The following SAMD5 variants were observed in gnomAD, a reference collection of about 807,000 sequenced individuals.
The protein encoded by SAMD5 is sterile alpha motif domain-containing protein 5.
Under a neutral mutation model 11.3 loss-of-function variants are expected in SAMD5, and 13 were observed. The observed-to-expected ratio is 1.15, with a 90% CI of 0.75 to 1.83. SAMD5 has a LOEUF of 1.83. Among genes scored for constraint, SAMD5 ranks in the 40% most tolerant of loss-of-function variants. The probability of loss-of-function intolerance (pLI) is 0.00; values close to 1 mark genes in which losing one functional copy is unlikely to be tolerated. For missense variants in SAMD5, 255 were observed against 239.1 expected (o/e 1.07, Z -0.44); for synonymous variants, 129 against 111.3 (o/e 1.16, Z -1.00).
At chr6:147,779,087 A>G in the SAMD5 span, among the ~76,000 whole-genome samples, 2 of 151,826 alleles carry the variant, frequency 1.3e-5, no homozygotes, top group Admixed American at 6.6e-5. Context: ...CTTTCCTGCT[A>G]AGAGACAGGA....
intron 1 of SAMD5, among the ~76,000 whole-genome samples, chr6:147,646,971 CTAATAATAATAA>C (rs5880722): frequency 0.42 from 57,570 of 137,868 alleles, 13,050 homozygotes; most frequent in Middle Eastern, 0.52. Flanking sequence ...AACCTCATCT[CTAATAATAATAA>C]TAATAATAAT....
chr6:147,838,940 A>G, the SAMD5 span, among the ~76,000 whole-genome samples: 23 of 152,180 alleles, frequency 1.5e-4, no homozygotes, highest in Non-Finnish European at 2.9e-4. Flanking sequence ...TTTGGGGTCA[A>G]AGGCAAGGCC....
At chr6:147,814,959 G>T in the SAMD5 span, among the ~76,000 whole-genome samples, 2 of 152,142 alleles carry the variant, frequency 1.3e-5, no homozygotes, top group African/African-American at 2.4e-5. Flanking sequence ...CCCTGCTAAG[G>T]ACAGGTACCA....
intron 1 of SAMD5, among the ~76,000 whole-genome samples, chr6:147,515,578 TTCCATTTATCCATCCATCCATTCA>T (rs1439586529): frequency 6.6e-6 from 1 of 151,840 alleles, no homozygotes; most frequent in Non-Finnish European, 1.5e-5. Flanking sequence ...TCATCTATCC[TTCCATTTATCCATCCATCCATTCA>T]TCCATTTATC....
At chr6:147,682,360 G>A (rs1429697215) in intron 1 of SAMD5, among the ~76,000 whole-genome samples, 2 of 152,168 alleles carry the variant, frequency 1.3e-5, no homozygotes, top group Non-Finnish European at 2.9e-5. Flanking sequence ...ATTGTATCTT[G>A]ACCAGAATTG....
the SAMD5 span, among the ~76,000 whole-genome samples, chr6:147,802,594 G>T: frequency 6.6e-6 from 1 of 150,724 alleles, no homozygotes; most frequent in East Asian, 1.9e-4. Context: ...GTTCACAGAA[G>T]ATTTGTGCAA....
At chr6:147,641,288 C>T (rs1359475351) in intron 1 of SAMD5, among the ~76,000 whole-genome samples, 2 of 152,134 alleles carry the variant, frequency 1.3e-5, no homozygotes, top group Admixed American at 6.5e-5. Flanking sequence ...TTTTAATGGG[C>T]TTCGGCAGCA....
intron 1 of SAMD5, among the ~76,000 whole-genome samples, chr6:147,641,382 C>A (rs1172329953): frequency 1.3e-5 from 2 of 152,080 alleles, no homozygotes; most frequent in African/African-American, 2.4e-5. Flanking sequence ...ACCCTCATCA[C>A]AATATATGTG....
chr6:147,830,251 CTTTTTTTT>C, the SAMD5 span, among the ~76,000 whole-genome samples: 5 of 84,934 alleles, frequency 5.9e-5, no homozygotes, highest in African/African-American at 9.3e-5. Flanking sequence ...TTCTTTCTTT[CTTTTTTTT>C]TTTTTTTTTT....
rs1449198131 is a variant in SAMD5 at position 147,568,394 on chromosome 6, T to G, written c.*3938T>G. 2 of 984,696 alleles carry G rather than the reference T, an allele frequency of 2.0e-6. No homozygotes were observed. The highest frequency in any genetic ancestry group is 2.4e-6 in the Non-Finnish European group (2 of 829,388). The allele number at this position is 984,696 out of a possible 1,614,324, so 61.0% of individuals were successfully genotyped here. A position where few individuals can be genotyped will look rare whatever the true frequency, so the allele number is the denominator to read the frequency against. ...TAATTAAAATGCTTGGACAAAACAT[T>G]TGCTTTATATAGATTCTTACAAGTA... On this transcript the variant is annotated 3_prime_UTR_variant, in exon 2 of 2. Coordinates refer to ENST00000367474, the MANE Select transcript of SAMD5 (RefSeq NM_001030060.3).
the SAMD5 span, among the ~76,000 whole-genome samples, chr6:147,871,821 C>T: frequency 9.9e-5 from 15 of 152,252 alleles, no homozygotes; most frequent in Admixed American, 7.8e-4. Flanking sequence ...ACTTTCTTCC[C>T]CTACTGTAAT....
chr6:147,765,113 G>T, the SAMD5 span, among the ~76,000 whole-genome samples: 1 of 152,184 alleles, frequency 6.6e-6, no homozygotes, highest in Non-Finnish European at 1.5e-5. Context: ...GCTCTGTAAA[G>T]AAAGGTGTAT....
intron 1 of SAMD5, among the ~76,000 whole-genome samples, chr6:147,689,234 G>A (rs369131278): frequency 2.6e-5 from 4 of 152,180 alleles, no homozygotes; most frequent in South Asian, 2.1e-4. Context: ...GTGCAGCCAA[G>A]GTATTCAAGG....
At chr6:147,628,106 G>A (rs1264796936) in intron 1 of SAMD5, among the ~76,000 whole-genome samples, 1 of 152,156 alleles carries the variant, frequency 6.6e-6, no homozygotes, top group Non-Finnish European at 1.5e-5. Context: ...ATTGCTGGTA[G>A]GTTTGCTTGT....
chr6:147,800,824 G>A, the SAMD5 span, among the ~76,000 whole-genome samples: 2 of 152,090 alleles, frequency 1.3e-5, no homozygotes, highest in African/African-American at 4.8e-5. Context: ...CATTATTTAA[G>A]TAAACCATGT....
At chr6:147,637,447 A>T (rs1790245896) in intron 1 of SAMD5, among the ~76,000 whole-genome samples, 1 of 152,192 alleles carries the variant, frequency 6.6e-6, no homozygotes, top group African/African-American at 2.4e-5. Context: ...AGGGTTAAGG[A>T]TGGAATGAAA....
chr6:147,646,050 C>A (rs569626453), intron 1 of SAMD5, among the ~76,000 whole-genome samples: 51 of 124,344 alleles, frequency 4.1e-4, no homozygotes, highest in Non-Finnish European at 6.6e-4. Flanking sequence ...ATCTATCTAT[C>A]TATCTATCTA....
At chr6:147,811,054 A>C in the SAMD5 span, among the ~76,000 whole-genome samples, 1 of 152,240 alleles carries the variant, frequency 6.6e-6, no homozygotes, top group African/African-American at 2.4e-5. Flanking sequence ...ACTCACCTAA[A>C]CCTGTTTTCT....
intron 1 of SAMD5, among the ~76,000 whole-genome samples, chr6:147,702,011 A>C (rs1342793809): frequency 6.6e-6 from 1 of 152,214 alleles, no homozygotes; most frequent in African/African-American, 2.4e-5. Context: ...ATGCTGCTAA[A>C]AAAGACATAC....
Sources: gnomAD v4.1 joint callset for allele counts (sites outside exome capture counted in the v4.1 genomes callset) on GRCh38, gnomAD v4.1.1 for gene constraint, MANE v1.5 for transcripts, NCBI Gene and HGNC (gene_info 2026-07-23, HGNC 2026-07-21) for gene names.